Variants in SLC8A1 observed in about 807,000 individuals in gnomAD.
SLC8A1 encodes the protein solute carrier family 8 member A1, also known as sodium/calcium exchanger 1.
A neutral mutation model predicts 68.3 loss-of-function variants in SLC8A1; 18 were observed. The observed-to-expected ratio is 0.26, with a 90% confidence interval of 0.18 to 0.39. The LOEUF (loss-of-function observed/expected upper bound fraction) is 0.39, where lower values mean the gene tolerates loss of function less well. Ranked by LOEUF, SLC8A1 falls within the 10% of genes least tolerant of loss-of-function variation. SLC8A1 has a pLI of 1.00. For missense variants in SLC8A1, 985 were observed against 1,156.7 expected (o/e 0.85, Z 2.15); for synonymous variants, 475 against 415.5 (o/e 1.14, Z -1.74).
At chr2:40,400,890 T>C (rs1242876333) in intron 2 of SLC8A1, among the ~76,000 whole-genome samples, 2 of 151,884 alleles carry the variant, frequency 1.3e-5, no homozygotes, top group East Asian at 3.9e-4. Flanking sequence ...AGGCAGGAAA[T>C]GGGCAGGGAG....
chr2:40,131,757 C>T (rs2039378928), intron 7 of SLC8A1, among the ~76,000 whole-genome samples: 1 of 151,964 alleles, frequency 6.6e-6, no homozygotes, highest in Admixed American at 6.6e-5. Flanking sequence ...AGCTGTGTAT[C>T]ACAGCTGTGT....
intron 2 of SLC8A1, among the ~76,000 whole-genome samples, chr2:40,282,512 A>T (rs867262900): frequency 2.0e-5 from 3 of 152,286 alleles, no homozygotes; most frequent in Middle Eastern, 6.8e-3. Flanking sequence ...ACAGACTGCC[A>T]ACTTTATTAT....
chr2:40,503,991 T>C (rs865859490), intron 1 of SLC8A1, among the ~76,000 whole-genome samples: 16 of 152,126 alleles, frequency 1.1e-4, no homozygotes, highest in African/African-American at 3.9e-4. Context: ...AGACCCAGAA[T>C]AGCTGAAGCT....
intron 1 of SLC8A1, among the ~76,000 whole-genome samples, chr2:40,494,025 C>G (rs571860038): frequency 6.7e-6 from 1 of 148,180 alleles, no homozygotes; most frequent in African/African-American, 2.5e-5. Flanking sequence ...TTTTTTTTTT[C>G]CTTATCTACC....
rs369974233 is a variant in SLC8A1, at chr2:40,205,778, G to A, written c.1809-27923C>T. ...AAGTTTACCTATGTAGCAAACCTGC[G>A]CTTGTACATCTGAACTTAGAAGTTG... On this transcript the variant is annotated intron_variant, in intron 2 of 7. Transcript: ENST00000406785. 4.1e-5 allele frequency among the ~76,000 whole-genome samples: 6 copies of A among 146,126 alleles called. No homozygotes were observed. In the East Asian group the frequency reaches 6.1e-4, roughly 15 times the overall value.
In SLC8A1 at chr2:40,154,671, TC is replaced by T. The variant is rs2044131014; in HGVS notation, c.2161+6093del. Among the ~76,000 whole-genome samples, 4 of 152,072 alleles carry T rather than the reference TC, an allele frequency of 2.6e-5. No individual in the cohort carries two copies. The South Asian group carries it at 8.3e-4, about 32-fold the overall frequency. ...CACTCATATGTCTTTGACAAAGTTT[TC>T]TTTTTTGTTTTTGGAGTTAGGGTCT... On this transcript the variant is annotated intron_variant, in intron 6 of 7. Coordinates refer to ENST00000406785, the Ensembl canonical transcript of SLC8A1.
intron 2 of SLC8A1, among the ~76,000 whole-genome samples, chr2:40,266,021 T>C (rs1221202740): frequency 6.6e-6 from 1 of 152,184 alleles, no homozygotes; most frequent in Non-Finnish European, 1.5e-5. Flanking sequence ...TATCAAATCA[T>C]ACTAACTCCT....
At chr2:40,284,873 C>T (rs994149592) in intron 2 of SLC8A1, among the ~76,000 whole-genome samples, 1 of 152,038 alleles carries the variant, frequency 6.6e-6, no homozygotes, top group African/African-American at 2.4e-5. Flanking sequence ...GTAAAAGGAG[C>T]TGATTTCTGC....
chr2:40,482,323 G>C (rs980895217), intron 1 of SLC8A1, among the ~76,000 whole-genome samples: 1 of 152,166 alleles, frequency 6.6e-6, no homozygotes, highest in Non-Finnish European at 1.5e-5. Context: ...AGAACTGCCA[G>C]GGGAGGCTTT....
chr2:40,237,722 C>A (rs1036460637), intron 2 of SLC8A1, among the ~76,000 whole-genome samples: 16 of 152,026 alleles, frequency 1.1e-4, no homozygotes, highest in Middle Eastern at 3.4e-3. Flanking sequence ...TGTTTTTTCC[C>A]CATCTTTGTG....
At chr2:40,107,285 A>AAAAAAAAAAAG (rs763206318) in exon 8 of SLC8A1, 6 of 143,516 alleles carry the variant, frequency 4.2e-5, no homozygotes, top group Non-Finnish European at 7.5e-5. Context: ...GTCTCAAAAA[A>AAAAAAAAAAAG]AAAAAAAAAA....
intron 2 of SLC8A1, among the ~76,000 whole-genome samples, chr2:40,389,288 C>T (rs1684555950): frequency 6.6e-6 from 1 of 151,924 alleles, no homozygotes; most frequent in African/African-American, 2.4e-5. Flanking sequence ...TCCCTAATCC[C>T]CAGTCTCACG....
chr2:40,338,865 C>T (rs536836630), intron 2 of SLC8A1, among the ~76,000 whole-genome samples: 4 of 151,914 alleles, frequency 2.6e-5, no homozygotes, highest in East Asian at 1.9e-4. Flanking sequence ...TTGAAAACAG[C>T]GTGCTGTATC....
chr2:40,295,126 G>T (rs1194916920), intron 2 of SLC8A1, among the ~76,000 whole-genome samples: 3 of 151,600 alleles, frequency 2.0e-5, no homozygotes, highest in African/African-American at 4.9e-5. Flanking sequence ...TTGATGCAAG[G>T]TCTCACTCTG....
At chr2:40,158,126 T>G (rs2044933800) in intron 6 of SLC8A1, among the ~76,000 whole-genome samples, 1 of 152,200 alleles carries the variant, frequency 6.6e-6, no homozygotes, top group South Asian at 2.1e-4. Flanking sequence ...AACCTCTCAG[T>G]AGAGCCCTTT....
At chr2:40,173,229 G>C in intron 4 of SLC8A1, among the ~76,000 whole-genome samples, 1 of 152,120 alleles carries the variant, frequency 6.6e-6, no homozygotes, top group South Asian at 2.1e-4. Context: ...TAGAATTAGA[G>C]TGTTTACAAG....
At chr2:40,223,971 TAG>T (rs2058665743) in intron 2 of SLC8A1, among the ~76,000 whole-genome samples, 1 of 152,052 alleles carries the variant, frequency 6.6e-6, no homozygotes, top group Admixed American at 6.6e-5. Flanking sequence ...CTCCAAAAAT[TAG>T]AGCAGACCTT....
At chr2:40,375,772 G>A (rs890271575) in intron 2 of SLC8A1, among the ~76,000 whole-genome samples, 9 of 152,104 alleles carry the variant, frequency 5.9e-5, no homozygotes, top group Non-Finnish European at 2.9e-5. Flanking sequence ...GAAGGTCAAG[G>A]CAGGCAGATT....
At chr2:40,384,444 G>T (rs1682924108) in intron 2 of SLC8A1, among the ~76,000 whole-genome samples, 1 of 151,962 alleles carries the variant, frequency 6.6e-6, no homozygotes, top group Admixed American at 6.6e-5. Flanking sequence ...TGAATCATGG[G>T]TATAGAAGGC....
Sources: gnomAD v4.1 joint callset for allele counts (sites outside exome capture counted in the v4.1 genomes callset) on GRCh38, gnomAD v4.1.1 for gene constraint, MANE v1.5 for transcripts, NCBI Gene and HGNC (gene_info 2026-07-23, HGNC 2026-07-21) for gene names.